Variants in APLF observed in about 807,000 individuals in gnomAD.
The protein encoded by APLF is aprataxin and PNK-like factor.
APLF carries 61 observed loss-of-function variants against 55.6 expected under a neutral mutation model. That is an observed-to-expected ratio of 1.10 (90% CI 0.89 to 1.36). The LOEUF (loss-of-function observed/expected upper bound fraction) is 1.36. Among genes scored for constraint, APLF ranks in the 40% most tolerant of loss-of-function variants. The pLI, the probability that APLF is intolerant of heterozygous loss-of-function variation, is 0.00. For synonymous variants in APLF, 207 were observed against 214.8 expected, an observed-to-expected ratio of 0.96 and a Z score of 0.32; for missense variants, 611 against 602.5, an observed-to-expected ratio of 1.01 and a Z score of -0.15.
chr2:68,541,508 A>G (rs764262771), intron 7 of APLF, among the ~76,000 whole-genome samples: 2 of 152,230 alleles, frequency 1.3e-5, no homozygotes, highest in Non-Finnish European at 2.9e-5. Context: ...GAAATGGCCA[A>G]TAAGCATACA....
intron 9 of APLF, 26 bp from the exon 10 acceptor site, chr2:68,577,789 ATGTGT>A (rs1558559256): frequency 1.2e-6 from 2 of 1,607,570 alleles, no homozygotes; most frequent in Non-Finnish European, 1.7e-6. Context: ...GTGGTGATTG[ATGTGT>A]TGTGTACCAA....
intron 3 of APLF, among the ~76,000 whole-genome samples, chr2:68,506,526 A>T (rs369251184): frequency 6.6e-6 from 1 of 152,042 alleles, no homozygotes; most frequent in Admixed American, 6.6e-5. Flanking sequence ...CAAGCTTTAC[A>T]TGTATGAACT....
At chr2:68,519,502 T>C (rs555865270) in intron 5 of APLF, among the ~76,000 whole-genome samples, 3 of 149,840 alleles carry the variant, frequency 2.0e-5, no homozygotes, top group South Asian at 4.2e-4. Context: ...TCACATTGGT[T>C]CAATTTTTGG....
Position 68,490,155 on chromosome 2 carries a change from G to C in APLF, c.97-35G>C, listed in dbSNP as rs759835811. 4 of 1,490,638 alleles carry C rather than the reference G, an allele frequency of 2.7e-6. No individual in the cohort carries two copies. The East Asian group carries it at 7.0e-5, about 26-fold the overall frequency. The allele number at this position is 1,490,638 out of a possible 1,614,324, so 92.3% of individuals were successfully genotyped here. On this transcript the variant is annotated intron_variant, in intron 1 of 9. Transcript: ENST00000303795. ...TGTTTTGTTGCTTTTTAAGGAGGTG[G>C]CTATTCTTAATCTTTTAATTTTTTT...
In APLF at chr2:68,513,038, T is replaced by A. The variant is rs544203338; in HGVS notation, c.342-42T>A. On this transcript the variant is annotated intron_variant, in intron 3 of 9. Coordinates refer to ENST00000303795, the MANE Select transcript of APLF (RefSeq NM_173545.3). ...GTAGTTCTAAGGCAGCAGAAGTGTG[T>A]TAAATTTAAAATTAAAGACCAGTTT... is the stretch of plus-strand genomic sequence containing the variant. 2.8e-5 allele frequency: 43 copies of A among 1,552,634 alleles called. No individual in the cohort carries two copies. The African/African-American group carries it at 5.1e-4, about 18-fold the overall frequency.
chr2:68,562,916 A>G (rs140848163), intron 8 of APLF, among the ~76,000 whole-genome samples: 316 of 152,138 alleles, frequency 2.1e-3, no homozygotes, highest in African/African-American at 7.2e-3. Flanking sequence ...GTGATAAACT[A>G]TCTTTTCTGT....
At chr2:68,500,320 C>T (rs1275296483) in intron 2 of APLF, among the ~76,000 whole-genome samples, 1 of 152,106 alleles carries the variant, frequency 6.6e-6, no homozygotes, top group East Asian at 1.9e-4. Context: ...GATCATGGAC[C>T]ATACTCATGG....
intron 2 of APLF, among the ~76,000 whole-genome samples, chr2:68,491,562 G>GT (rs1172171369): frequency 6.6e-6 from 1 of 152,098 alleles, no homozygotes; most frequent in African/African-American, 2.4e-5. Flanking sequence ...CCTAAAATAA[G>GT]TTTTTTTGTT....
At chr2:68,468,442 C>T (rs1675503219) in intron 1 of APLF, among the ~76,000 whole-genome samples, 1 of 152,134 alleles carries the variant, frequency 6.6e-6, no homozygotes, top group African/African-American at 2.4e-5. Flanking sequence ...GGAGACATTA[C>T]CTATACCAAC....
chr2:68,550,344 GCC>G (rs1670823621), intron 8 of APLF, among the ~76,000 whole-genome samples: 1 of 152,014 alleles, frequency 6.6e-6, no homozygotes. Flanking sequence ...CAATTCTCCT[GCC>G]TCAGCCTCCT....
chr2:68,565,942 G>A (rs115931672), intron 8 of APLF, among the ~76,000 whole-genome samples: 1,693 of 152,098 alleles, frequency 0.011, 36 homozygotes, highest in African/African-American at 0.039. Context: ...GCACAAACCT[G>A]GGGGTGAACT....
intron 8 of APLF, among the ~76,000 whole-genome samples, chr2:68,551,606 T>TTC (rs1670867278): frequency 1.6e-5 from 2 of 121,228 alleles, no homozygotes; most frequent in African/African-American, 9.5e-5. Flanking sequence ...TCTTCTTCTT[T>TTC]TTTTTTTTTT....
At chr2:68,568,650 T>G (rs1015660045) in intron 9 of APLF, among the ~76,000 whole-genome samples, 1 of 152,160 alleles carries the variant, frequency 6.6e-6, no homozygotes, top group African/African-American at 2.4e-5. Context: ...TTTGACACAT[T>G]TATATAACTT....
intron 6 of APLF, among the ~76,000 whole-genome samples, chr2:68,534,269 A>C (rs571347705): frequency 1.3e-5 from 2 of 152,298 alleles, no homozygotes; most frequent in South Asian, 4.2e-4. Flanking sequence ...ATTGAGAAAG[A>C]AATGTCTGGC....
intron 9 of APLF, among the ~76,000 whole-genome samples, chr2:68,570,655 G>A (rs1049260375): frequency 2.6e-5 from 4 of 152,064 alleles, no homozygotes; most frequent in Non-Finnish European, 5.9e-5. Flanking sequence ...AGTATTCCAC[G>A]GTGTATATGT....
intron 1 of APLF, among the ~76,000 whole-genome samples, chr2:68,482,827 C>T (rs1450612506): frequency 6.6e-6 from 1 of 152,018 alleles, no homozygotes; most frequent in African/African-American, 2.4e-5. Context: ...TGGGGGTGGT[C>T]TGCTGTTTCT....
intron 2 of APLF, among the ~76,000 whole-genome samples, chr2:68,501,903 C>T (rs1483680645): frequency 6.6e-6 from 1 of 152,110 alleles, no homozygotes; most frequent in Non-Finnish European, 1.5e-5. Context: ...TTATAATGAA[C>T]AGACATTTAT....
Position 68,513,619 on chromosome 2 carries a change from A to G in APLF, c.561A>G (p.Pro187=), listed in dbSNP as rs1186602775. The G allele has an allele frequency of 1.3e-5, 21 of 1,611,456 alleles. No homozygotes were observed. The highest frequency in any genetic ancestry group is 1.8e-5 in the Non-Finnish European group (21 of 1,178,318). ...PILAERKRIL[P]TWMLAEHLSD... ...TTGCCGAGAGGAAAAGAATCCTTCC[A>G]ACTTGGATGTTAGCAGAACATTTAA... The change falls in exon 5 of 10, where the codon CCA becomes CCG. Residue 187 remains proline (P), a synonymous_variant. Transcript: ENST00000303795.
intron 1 of APLF, among the ~76,000 whole-genome samples, chr2:68,486,536 C>T (rs758188002): frequency 6.6e-6 from 1 of 152,158 alleles, no homozygotes; most frequent in African/African-American, 2.4e-5. Flanking sequence ...CCTCTCTCCT[C>T]TGTTTCTGTC....
Sources: allele counts gnomAD v4.1 joint callset (sites outside exome capture counted in the v4.1 genomes callset), GRCh38; gene constraint gnomAD v4.1.1; transcripts MANE v1.5; gene names NCBI Gene and HGNC (gene_info 2026-07-23, HGNC 2026-07-21).